NKAIN3: variants seen among roughly 807,000 people sequenced by gnomAD.
The protein encoded by NKAIN3 is sodium/potassium transporting ATPase interacting 3, also known as sodium/potassium-transporting ATPase subunit beta-1-interacting protein 3.
A neutral mutation model predicts 30.2 loss-of-function variants in NKAIN3; 25 were observed. That is an observed-to-expected ratio of 0.83 (90% CI 0.60 to 1.16). NKAIN3 has a LOEUF of 1.16. Ranked by LOEUF, NKAIN3 falls within the 50% of genes most tolerant of loss-of-function variation. The pLI is 0.00. For synonymous variants in NKAIN3, 91 were observed against 89.6 expected, an observed-to-expected ratio of 1.02 and a Z score of -0.09; for missense variants, 225 against 254.1, an observed-to-expected ratio of 0.89 and a Z score of 0.78.
intron 1 of NKAIN3, among the ~76,000 whole-genome samples, chr8:62,290,923 A>G (rs1187356117): frequency 1.3e-5 from 2 of 152,084 alleles, no homozygotes; most frequent in Non-Finnish European, 2.9e-5. Flanking sequence ...AGAACCTGGT[A>G]TGGGTCTATT....
chr8:62,461,625 G>A (rs140112703), intron 1 of NKAIN3, among the ~76,000 whole-genome samples: 16 of 152,300 alleles, frequency 1.1e-4, no homozygotes, highest in African/African-American at 3.8e-4. Context: ...AATATCAAGA[G>A]ATGGAAATTA....
intron 1 of NKAIN3, among the ~76,000 whole-genome samples, chr8:62,468,705 A>T (rs1345011247): frequency 6.6e-6 from 1 of 152,192 alleles, no homozygotes; most frequent in Admixed American, 6.5e-5. Context: ...ATTTTAATAA[A>T]TGCATTATGA....
intron 4 of NKAIN3, among the ~76,000 whole-genome samples, chr8:62,803,826 C>A (rs542329423): frequency 1.3e-3 from 191 of 152,228 alleles, no homozygotes; most frequent in African/African-American, 4.4e-3. Context: ...AATCCAGGAG[C>A]TGGTTTTTTG....
intron 1 of NKAIN3, among the ~76,000 whole-genome samples, chr8:62,528,276 T>G (rs1808370232): frequency 7.1e-6 from 1 of 140,888 alleles, no homozygotes; most frequent in African/African-American, 2.7e-5. Flanking sequence ...GCCTACCTAT[T>G]TGGTATTGTG....
intron 1 of NKAIN3, among the ~76,000 whole-genome samples, chr8:62,523,795 C>T (rs1057425586): frequency 1.3e-5 from 2 of 151,986 alleles, no homozygotes; most frequent in African/African-American, 2.4e-5. Flanking sequence ...AAGTGTGTAT[C>T]GCGGGTACAG....
chr8:62,787,994 G>C (rs1053901039), intron 4 of NKAIN3, among the ~76,000 whole-genome samples: 29 of 150,904 alleles, frequency 1.9e-4, no homozygotes, highest in Admixed American at 1.9e-3. Context: ...AAACATACAT[G>C]TGCATGTGTC....
At chr8:62,486,120 G>T (rs1806893400) in intron 1 of NKAIN3, among the ~76,000 whole-genome samples, 1 of 152,104 alleles carries the variant, frequency 6.6e-6, no homozygotes, top group African/African-American at 2.4e-5. Flanking sequence ...AAAACAAAAA[G>T]AGAGAACGCT....
At chr8:62,875,166 T>A (rs1233426164) in intron 4 of NKAIN3, among the ~76,000 whole-genome samples, 18 of 152,022 alleles carry the variant, frequency 1.2e-4, no homozygotes, top group Non-Finnish European at 7.4e-5. Flanking sequence ...TCACAACCAT[T>A]CCTATACACC....
At chr8:62,486,604 C>A (rs967343277) in intron 1 of NKAIN3, among the ~76,000 whole-genome samples, 2 of 152,286 alleles carry the variant, frequency 1.3e-5, no homozygotes, top group Middle Eastern at 6.8e-3. Context: ...ACTTGGTATC[C>A]TTGACCTAAG....
intron 3 of NKAIN3, among the ~76,000 whole-genome samples, chr8:62,715,408 G>A (rs1462213198): frequency 2.6e-5 from 4 of 152,152 alleles, no homozygotes; most frequent in Non-Finnish European, 5.9e-5. Context: ...TTCAATTAAA[G>A]CAAGCTATTT....
At chr8:62,446,628 G>T (rs892476584) in intron 1 of NKAIN3, among the ~76,000 whole-genome samples, 1 of 151,934 alleles carries the variant, frequency 6.6e-6, no homozygotes, top group Non-Finnish European at 1.5e-5. Flanking sequence ...TATTCCCCCA[G>T]AACCCTACCA....
At chr8:62,340,334 T>C (rs1815701516) in intron 1 of NKAIN3, among the ~76,000 whole-genome samples, 1 of 151,902 alleles carries the variant, frequency 6.6e-6, no homozygotes, top group African/African-American at 2.4e-5. Context: ...CAAATGAGGG[T>C]CTTCAAGGGA....
At chr8:62,554,946 T>G (rs1809337303) in intron 1 of NKAIN3, among the ~76,000 whole-genome samples, 1 of 152,006 alleles carries the variant, frequency 6.6e-6, no homozygotes, top group African/African-American at 2.4e-5. Flanking sequence ...TTTTCCTGTT[T>G]GGCTCTTTTC....
chr8:62,249,460 G>A (rs190595866), intron 1 of NKAIN3, among the ~76,000 whole-genome samples: 1 of 152,360 alleles, frequency 6.6e-6, no homozygotes, highest in East Asian at 1.9e-4. Flanking sequence ...CCGATACCTG[G>A]TTTAGCACCC....
chr8:62,862,699 G>A (rs542733206), intron 4 of NKAIN3, among the ~76,000 whole-genome samples: 3 of 152,210 alleles, frequency 2.0e-5, no homozygotes, highest in African/African-American at 7.2e-5. Context: ...ATGATTTATA[G>A]CTTTTAGGAG....
chr8:62,788,824 G>T (rs1228295122), intron 4 of NKAIN3, among the ~76,000 whole-genome samples: 48 of 151,808 alleles, frequency 3.2e-4, no homozygotes, highest in African/African-American at 8.7e-4. Flanking sequence ...TTGTCAGGTT[G>T]GTCAAAGATC....
rs544302932 is a variant in NKAIN3 at position 62,285,461 on chromosome 8, C to T, written c.54+36334C>T. 5.9e-5 allele frequency among the ~76,000 whole-genome samples: 9 copies of T among 152,254 alleles called. No homozygotes were observed. The East Asian group carries it at 1.7e-3, about 29-fold the overall frequency. ...GAGCTGAAGAGGCTGAACCAAAAGT[C>T]AGCTTGTGGCTAGAGCAGATTATGT... On this transcript the variant is annotated intron_variant, in intron 1 of 6. Transcript: ENST00000623646.
intron 1 of NKAIN3, among the ~76,000 whole-genome samples, chr8:62,400,132 G>A (rs1419376343): frequency 6.6e-6 from 1 of 151,318 alleles, no homozygotes; most frequent in African/African-American, 2.4e-5. Context: ...AGTCAGTTGT[G>A]AGAGTTCCTG....
chr8:62,283,837 CT>C (rs1347389468), intron 1 of NKAIN3, among the ~76,000 whole-genome samples: 13 of 151,910 alleles, frequency 8.6e-5, no homozygotes, highest in Non-Finnish European at 1.9e-4. Flanking sequence ...AATTTTGTAT[CT>C]TGTATACTTT....
Sources: allele counts gnomAD v4.1 joint callset (sites outside exome capture counted in the v4.1 genomes callset), GRCh38; gene constraint gnomAD v4.1.1; transcripts MANE v1.5; gene names NCBI Gene and HGNC (gene_info 2026-07-23, HGNC 2026-07-21).